TMOD2: variants seen among roughly 807,000 people sequenced by gnomAD.
TMOD2 encodes the protein tropomodulin-2.
A neutral mutation model predicts 39.9 loss-of-function variants in TMOD2; 22 were observed. The observed-to-expected ratio is 0.55, with a 90% CI of 0.39 to 0.79. The LOEUF (loss-of-function observed/expected upper bound fraction) is 0.79, where lower values mean the gene tolerates loss of function less well. TMOD2 is among the 30% of genes least tolerant of loss of function. TMOD2 has a pLI of 0.00. For missense variants in TMOD2, 386 were observed against 413.3 expected, an observed-to-expected ratio of 0.93 and a Z score of 0.57; for synonymous variants, 123 against 146.1, an observed-to-expected ratio of 0.84 and a Z score of 1.14.
intron 7 of TMOD2, among the ~76,000 whole-genome samples, chr15:51,796,909 A>T (rs1248513650): frequency 3.9e-5 from 6 of 152,180 alleles, no homozygotes; most frequent in Admixed American, 2.6e-4. Context: ...TCATCCAGCC[A>T]TGACGATGTC....
At position 51,766,629 on chromosome 15, in the gene TMOD2, GT is replaced by G. The variant is rs2055818385; in HGVS notation, c.126+63del. The G allele has an allele frequency of 1.9e-6, 3 of 1,540,962 alleles. No homozygotes were observed. The Admixed American group carries it at 5.7e-5, about 29-fold the overall frequency. On this transcript the variant is annotated intron_variant, in intron 2 of 9. Transcript: ENST00000249700. ...TAGTATGGATAAATGGCATGGCTTGGTCCTTAAACAATGGTAGAAATCCCTT... is the reference window on the plus strand; with the variant it reads ...TAGTATGGATAAATGGCATGGCTTGGCCTTAAACAATGGTAGAAATCCCTT...
rs762594517 is a variant in TMOD2, at chr15:51,766,432, A to G, written c.-10A>G. Reference sequence around the variant, plus strand: ...TGTGCATGGCCCATGAGAAAGGCTTATAAGAAGCCATGGCACTCCCCTTTC... The same window carrying G: ...TGTGCATGGCCCATGAGAAAGGCTTGTAAGAAGCCATGGCACTCCCCTTTC... On this transcript the variant is annotated 5_prime_UTR_variant, in exon 2 of 10. Coordinates refer to ENST00000249700, the MANE Select transcript of TMOD2 (RefSeq NM_014548.4). 19 of 1,613,398 alleles carry G rather than the reference A, an allele frequency of 1.2e-5. No individual in the cohort carries two copies. Among genetic ancestry groups the G allele is most frequent in the Non-Finnish European group, 1.5e-5 (18 of 1,179,676 alleles).
At chr15:51,787,155 C>T (rs564430092) in intron 7 of TMOD2, among the ~76,000 whole-genome samples, 1 of 152,354 alleles carries the variant, frequency 6.6e-6, no homozygotes, top group South Asian at 2.1e-4. Flanking sequence ...GTCTTCACAA[C>T]CAGCGGACCA....
intron 8 of TMOD2, among the ~76,000 whole-genome samples, chr15:51,799,651 A>G (rs1485335135): frequency 6.6e-6 from 1 of 152,210 alleles, no homozygotes; most frequent in Non-Finnish European, 1.5e-5. Context: ...AGGGCCCCGC[A>G]CACTCAGGAA....
chr15:51,757,834 T>C (rs1020054622), intron 1 of TMOD2, among the ~76,000 whole-genome samples: 6 of 152,202 alleles, frequency 3.9e-5, no homozygotes, highest in Non-Finnish European at 5.9e-5. Flanking sequence ...TGCATTCTTC[T>C]CCACAGTATT....
intron 3 of TMOD2, among the ~76,000 whole-genome samples, chr15:51,770,573 T>C (rs2055846744): frequency 6.6e-6 from 1 of 152,140 alleles, no homozygotes; most frequent in Non-Finnish European, 1.5e-5. Flanking sequence ...CTGCCTTGTC[T>C]CACATAATGC....
intron 3 of TMOD2, among the ~76,000 whole-genome samples, chr15:51,768,928 A>G (rs973027472): frequency 2.0e-5 from 3 of 152,260 alleles, no homozygotes; most frequent in African/African-American, 7.2e-5. Context: ...AGCTAGACAT[A>G]TGTCATTCTA....
chr15:51,768,477 C>T (rs2055832020), intron 3 of TMOD2, 59 bp downstream of exon 3: 5 of 1,457,208 alleles, frequency 3.4e-6, no homozygotes, highest in East Asian at 2.4e-5. Flanking sequence ...TTTTTTGGAA[C>T]GGAGGCACTC....
intron 3 of TMOD2, among the ~76,000 whole-genome samples, chr15:51,770,311 T>G (rs1458148628): frequency 6.6e-6 from 1 of 152,218 alleles, no homozygotes; most frequent in East Asian, 1.9e-4. Flanking sequence ...CCTCGGGCTT[T>G]CTCTGACCTC....
At chr15:51,781,681 A>G (rs1305059074) in intron 6 of TMOD2, among the ~76,000 whole-genome samples, 1 of 152,210 alleles carries the variant, frequency 6.6e-6, no homozygotes, top group Non-Finnish European at 1.5e-5. Flanking sequence ...GATCCAAGAC[A>G]GAGAGATGAG....
chr15:51,759,940 C>T lies in TMOD2; in HGVS notation c.-69-6433C>T, dbSNP rs1567234520. Among the ~76,000 whole-genome samples the T allele has an allele frequency of 2.0e-5, 3 of 152,338 alleles. No individual in the cohort carries two copies. In the East Asian group the frequency reaches 5.8e-4, roughly 29 times the overall value. ...GAGGGCTGCCTCTTGGGAGATGTGA[C>T]CTTCTGGACCCAATCTCCCCCTCCC... is the stretch of plus-strand genomic sequence containing the variant. On this transcript the variant is annotated intron_variant, in intron 1 of 9. Transcript: ENST00000249700.
intron 5 of TMOD2, among the ~76,000 whole-genome samples, chr15:51,779,629 C>G (rs2055915929): frequency 6.6e-6 from 1 of 151,730 alleles, no homozygotes; most frequent in African/African-American, 2.4e-5. Context: ...GTGATCTGCC[C>G]ACCTCGGCCT....
rs941149271 is a variant in TMOD2 at position 51,782,976 on chromosome 15, G to A, written c.732+148G>A. 14 of 646,664 alleles carry A rather than the reference G, an allele frequency of 2.2e-5. No homozygotes were observed. In the East Asian group the frequency reaches 3.9e-4, roughly 18 times the overall value. 40.1% of individuals were successfully genotyped at this position (646,664 alleles called of 1,614,324 possible). ...GCAAAATTATAGTTACAATGCAATA[G>A]TTAAACTTCAGAACTGAACTGTCAG... On this transcript the variant is annotated intron_variant, in intron 7 of 9. Coordinates refer to ENST00000249700, the MANE Select transcript of TMOD2 (RefSeq NM_014548.4).
intron 6 of TMOD2, among the ~76,000 whole-genome samples, chr15:51,781,616 T>C (rs984330892): frequency 6.6e-6 from 1 of 152,210 alleles, no homozygotes; most frequent in Admixed American, 6.5e-5. Flanking sequence ...GGCAGATTCA[T>C]GCGGCTGTTG....
At position 51,810,587 on chromosome 15, in the gene TMOD2, A is replaced by C. The variant is rs936606329; in HGVS notation, c.*2133A>C. The stretch of plus-strand genomic sequence containing the variant: ...TGCTGGTTGATAAACATTCATCAGC[A>C]CACCACTGGGTGAAATTATACATTT... On this transcript the variant is annotated 3_prime_UTR_variant, in exon 10 of 10. Coordinates refer to ENST00000249700, the MANE Select transcript of TMOD2 (RefSeq NM_014548.4). 9 of 152,172 alleles carry C rather than the reference A, an allele frequency of 5.9e-5. No homozygotes were observed. The highest frequency in any genetic ancestry group is 2.0e-4 in the Admixed American group (3 of 15,264). 9.4% of individuals were successfully genotyped at this position (152,172 alleles called of 1,614,324 possible).
chr15:51,793,428 C>G (rs1182417555), intron 7 of TMOD2, among the ~76,000 whole-genome samples: 1 of 152,162 alleles, frequency 6.6e-6, no homozygotes, highest in Non-Finnish European at 1.5e-5. Flanking sequence ...CATTTCAAAT[C>G]AGACTAACCA....
rs943861996 is a variant in TMOD2 at position 51,810,898 on chromosome 15, A to C, written c.*2444A>C. The C allele has an allele frequency of 2.6e-5, 4 of 152,182 alleles. No individual in the cohort carries two copies. The highest frequency in any genetic ancestry group is 9.7e-5 in the African/African-American group (4 of 41,444). The allele number at this position is 152,182 out of a possible 1,614,324, so 9.4% of individuals were successfully genotyped here. A position where few individuals can be genotyped will look rare whatever the true frequency, so the allele number is the denominator to read the frequency against. ...TCTGGCAGAAAGCAAGAAAAAAAGA[A>C]TCAGAATTCAATCATGGCTGTTTCT... On this transcript the variant is annotated 3_prime_UTR_variant, in exon 10 of 10. Transcript: ENST00000249700.
In TMOD2 at chr15:51,791,177, G is replaced by A. The variant is rs915646847; in HGVS notation, c.733-7020G>A. 6.6e-5 allele frequency among the ~76,000 whole-genome samples: 10 copies of A among 152,266 alleles called. No homozygotes were observed. In the East Asian group the frequency reaches 1.7e-3, roughly 26 times the overall value. On this transcript the variant is annotated intron_variant, in intron 7 of 9. Transcript: ENST00000249700. ...CAAAGTCTCAGGATATAAAATCAAT[G>A]TGCAAAAATCACAAACATTTCTATA...
chr15:51,757,969 G>A (rs1056365879), intron 1 of TMOD2, among the ~76,000 whole-genome samples: 27 of 152,058 alleles, frequency 1.8e-4, no homozygotes, highest in African/African-American at 2.2e-4. Context: ...CAAAGGAGGT[G>A]GGGGGAATAC....
Sources: allele counts gnomAD v4.1 joint callset (sites outside exome capture counted in the v4.1 genomes callset), GRCh38; gene constraint gnomAD v4.1.1; transcripts MANE v1.5; gene names NCBI Gene and HGNC (gene_info 2026-07-23, HGNC 2026-07-21).